The following RBFOX1 variants were observed in gnomAD, a reference collection of about 807,000 sequenced individuals.
RBFOX1 encodes RNA binding fox-1 homolog 1, also known as RNA binding protein fox-1 homolog 1.
RBFOX1 carries 8 observed loss-of-function variants against 57.7 expected under a neutral mutation model. That is an observed-to-expected ratio of 0.14 (90% CI 0.08 to 0.25). The LOEUF (loss-of-function observed/expected upper bound fraction) is 0.25, where lower values mean the gene tolerates loss of function less well. RBFOX1 is among the 10% of genes least tolerant of loss of function. The probability of loss-of-function intolerance (pLI) is 1.00; values close to 1 mark genes in which losing one functional copy is unlikely to be tolerated. For synonymous variants in RBFOX1, 326 were observed against 222.4 expected (o/e 1.47, Z -4.15); for missense variants, 611 against 548.5 (o/e 1.11, Z -1.14).
intron 4 of RBFOX1, among the ~76,000 whole-genome samples, chr16:5,979,366 C>T (rs114142809): frequency 2.6e-4 from 39 of 152,328 alleles, no homozygotes; most frequent in African/African-American, 7.0e-4. Flanking sequence ...CCATAGCCAG[C>T]AGTCAAAATT....
chr16:6,757,121 C>T lies in RBFOX1; in HGVS notation c.-16+102471C>T, dbSNP rs148924982. Reference sequence around the variant, plus strand: ...ACGTATAATTTCATCCCAATTAGAACGACTATTATCAAAAAGATAAAAAAT... The same window carrying T: ...ACGTATAATTTCATCCCAATTAGAATGACTATTATCAAAAAGATAAAAAAT... On this transcript the variant is annotated intron_variant, in intron 3 of 15. Coordinates refer to ENST00000550418, the MANE Select transcript of RBFOX1 (RefSeq NM_018723.4). Among the ~76,000 whole-genome samples, 571 of 152,044 alleles carry T rather than the reference C, an allele frequency of 3.8e-3. 3 individuals carry two copies. The highest frequency in any genetic ancestry group is 0.013 in the African/African-American group (525 of 41,454).
intron 3 of RBFOX1, among the ~76,000 whole-genome samples, chr16:5,653,653 C>G (rs1290812542): frequency 6.6e-6 from 1 of 152,146 alleles, no homozygotes; most frequent in African/African-American, 2.4e-5. Flanking sequence ...GTGCAGCTGC[C>G]GCTCTCTTTG....
intron 3 of RBFOX1, among the ~76,000 whole-genome samples, chr16:5,629,934 T>TC (rs963166296): frequency 1.4e-4 from 21 of 152,146 alleles, no homozygotes; most frequent in African/African-American, 4.8e-4. Flanking sequence ...CTGATGTTGA[T>TC]CAAGTGCTCA....
intron 1 of RBFOX1, among the ~76,000 whole-genome samples, chr16:6,104,627 A>G (rs1247259702): frequency 6.6e-6 from 1 of 152,178 alleles, no homozygotes; most frequent in Admixed American, 6.5e-5. Context: ...TAGCAGCATA[A>G]TTCAAAATAG....
chr16:7,472,451 A>G (rs377445190), intron 4 of RBFOX1, among the ~76,000 whole-genome samples: 1 of 152,334 alleles, frequency 6.6e-6, no homozygotes, highest in African/African-American at 2.4e-5. Context: ...TGGCTGAACT[A>G]TAAGTCTGAA....
intron 2 of RBFOX1, among the ~76,000 whole-genome samples, chr16:5,473,042 A>G (rs1450161573): frequency 6.6e-6 from 1 of 152,146 alleles, no homozygotes; most frequent in Non-Finnish European, 1.5e-5. Context: ...TTGATCCATG[A>G]GGCTCTCAGA....
chr16:6,660,719 T>C (rs1317809667), intron 3 of RBFOX1, among the ~76,000 whole-genome samples: 1 of 152,162 alleles, frequency 6.6e-6, no homozygotes, highest in Non-Finnish European at 1.5e-5. Context: ...TTTTATATAA[T>C]ACCTGGCACA....
At chr16:6,009,628 A>G (rs1026967543) in intron 4 of RBFOX1, among the ~76,000 whole-genome samples, 2 of 152,110 alleles carry the variant, frequency 1.3e-5, no homozygotes, top group South Asian at 2.1e-4. Flanking sequence ...GCAAGCAATC[A>G]TGTTTTCAGA....
chr16:5,901,322 G>T (rs1048319859), intron 4 of RBFOX1, among the ~76,000 whole-genome samples: 2 of 152,262 alleles, frequency 1.3e-5, no homozygotes, highest in South Asian at 2.1e-4. Flanking sequence ...TCCCCTTACT[G>T]TTGGGGTTAC....
chr16:5,276,311 A>G (rs2063138890), intron 1 of RBFOX1, among the ~76,000 whole-genome samples: 1 of 152,212 alleles, frequency 6.6e-6, no homozygotes, highest in African/African-American at 2.4e-5. Context: ...TCCAGAATCT[A>G]CAGGGAACTC....
intron 4 of RBFOX1, among the ~76,000 whole-genome samples, chr16:7,337,725 C>T (rs950277136): frequency 6.6e-6 from 1 of 152,146 alleles, no homozygotes; most frequent in Non-Finnish European, 1.5e-5. Flanking sequence ...CACTCTGTCA[C>T]CCAGGCTGGA....
At chr16:5,773,009 A>T (rs892638280) in intron 3 of RBFOX1, among the ~76,000 whole-genome samples, 2 of 151,856 alleles carry the variant, frequency 1.3e-5, no homozygotes, top group African/African-American at 4.8e-5. Flanking sequence ...TGGCAGGGAG[A>T]AATGGGCAAG....
chr16:5,351,049 G>A (rs992115361), intron 1 of RBFOX1, among the ~76,000 whole-genome samples: 1 of 152,138 alleles, frequency 6.6e-6, no homozygotes, highest in African/African-American at 2.4e-5. Flanking sequence ...AGCAAAAGCC[G>A]TGAACCAGGT....
intron 3 of RBFOX1, among the ~76,000 whole-genome samples, chr16:5,834,750 C>A (rs558164902): frequency 6.8e-6 from 1 of 147,156 alleles, no homozygotes; most frequent in Non-Finnish European, 1.5e-5. Context: ...TACATACATA[C>A]ATACATACAT....
At chr16:5,476,853 C>T (rs1479229320) in intron 2 of RBFOX1, among the ~76,000 whole-genome samples, 3 of 152,102 alleles carry the variant, frequency 2.0e-5, no homozygotes, top group African/African-American at 7.2e-5. Flanking sequence ...TCCAGGCAGC[C>T]CTCCAAGTTA....
chr16:6,337,639 C>T (rs1311197960), intron 2 of RBFOX1, among the ~76,000 whole-genome samples: 1 of 152,150 alleles, frequency 6.6e-6, no homozygotes, highest in Non-Finnish European at 1.5e-5. Flanking sequence ...GCAGCAAGCA[C>T]TACTTATTGT....
At chr16:6,998,173 C>G (rs1422566853) in intron 3 of RBFOX1, among the ~76,000 whole-genome samples, 1 of 151,918 alleles carries the variant, frequency 6.6e-6, no homozygotes, top group Non-Finnish European at 1.5e-5. Flanking sequence ...ATGAAAGCAG[C>G]CAAAGCAGTA....
At chr16:7,130,470 T>C (rs148060922) in intron 4 of RBFOX1, among the ~76,000 whole-genome samples, 1 of 152,320 alleles carries the variant, frequency 6.6e-6, no homozygotes, top group East Asian at 1.9e-4. Flanking sequence ...AAAGTGATCA[T>C]CTCTGTCTCA....
intron 2 of RBFOX1, among the ~76,000 whole-genome samples, chr16:6,379,938 G>A (rs950820392): frequency 1.3e-5 from 2 of 152,216 alleles, no homozygotes; most frequent in African/African-American, 4.8e-5. Context: ...AGCTTCAGGA[G>A]AGGGGGTGTC....
Sources: gnomAD v4.1 joint callset for allele counts (sites outside exome capture counted in the v4.1 genomes callset) on GRCh38, gnomAD v4.1.1 for gene constraint, MANE v1.5 for transcripts, NCBI Gene and HGNC (gene_info 2026-07-23, HGNC 2026-07-21) for gene names.